Variants in DIP2C observed in about 807,000 individuals in gnomAD.
DIP2C encodes disco-interacting protein 2 homolog C.
DIP2C carries 33 observed loss-of-function variants against 192.4 expected under a neutral mutation model. The observed-to-expected ratio is 0.17, with a 90% CI of 0.13 to 0.23. DIP2C has a LOEUF of 0.23. DIP2C is among the 10% of genes least tolerant of loss of function. The pLI is 1.00. For synonymous variants in DIP2C, 979 were observed against 864.1 expected, an observed-to-expected ratio of 1.13 and a Z score of -2.33; for missense variants, 1,537 against 2,110.1, an observed-to-expected ratio of 0.73 and a Z score of 5.32.
chr10:673,975 G>A (rs564235735), intron 1 of DIP2C, among the ~76,000 whole-genome samples: 9 of 152,306 alleles, frequency 5.9e-5, no homozygotes, highest in South Asian at 4.1e-4. Flanking sequence ...CAACAGGGAC[G>A]GTGAGTCCCT....
intron 1 of DIP2C, among the ~76,000 whole-genome samples, chr10:536,944 C>T (rs1847728740): frequency 6.6e-6 from 1 of 152,134 alleles, no homozygotes; most frequent in Non-Finnish European, 1.5e-5. Context: ...TCATCCCTGC[C>T]GTGACACCAC....
chr10:567,843 T>TG (rs1297781770), intron 1 of DIP2C, among the ~76,000 whole-genome samples: 2 of 152,136 alleles, frequency 1.3e-5, no homozygotes, highest in African/African-American at 4.8e-5. Context: ...TTGGCCAAGC[T>TG]GGTCTCGAAC....
chr10:397,781 G>A (rs118129136), intron 10 of DIP2C, among the ~76,000 whole-genome samples: 2,510 of 152,306 alleles, frequency 0.016, 55 homozygotes, highest in South Asian at 0.025. Flanking sequence ...TGGTATGAGC[G>A]TAAGCCAAAA....
intron 2 of DIP2C, among the ~76,000 whole-genome samples, chr10:485,577 C>T (rs1432397447): frequency 6.6e-6 from 1 of 152,202 alleles, no homozygotes; most frequent in African/African-American, 2.4e-5. Flanking sequence ...TTTCCTGCAG[C>T]CTGAGCCTCA....
At chr10:573,462 GCAGGGGCGC>G (rs1849951355) in intron 1 of DIP2C, among the ~76,000 whole-genome samples, 1 of 152,194 alleles carries the variant, frequency 6.6e-6, no homozygotes, top group Non-Finnish European at 1.5e-5. Context: ...AGGCTTGACG[GCAGGGGCGC>G]CATCTCCACT....
At chr10:574,588 C>T (rs956425988) in intron 1 of DIP2C, among the ~76,000 whole-genome samples, 5 of 152,200 alleles carry the variant, frequency 3.3e-5, no homozygotes, top group Non-Finnish European at 7.3e-5. Context: ...TAACATCTTT[C>T]TTCTTCATGG....
At position 559,058 on chromosome 10, in the gene DIP2C, C is replaced by T. The variant is rs143029332; in HGVS notation, c.86-72528G>A. 6.6e-5 allele frequency among the ~76,000 whole-genome samples: 10 copies of T among 151,794 alleles called. No homozygotes were observed. In the East Asian group the frequency reaches 1.5e-3, roughly 24 times the overall value. On this transcript the variant is annotated intron_variant, in intron 1 of 36. Coordinates refer to ENST00000280886, the MANE Select transcript of DIP2C (RefSeq NM_014974.3). ...GGTTTTCAAGGTCTTGCAAGTTTAA[C>T]GGGAGTTGAATATTTGCATCTGAGT...
intron 30 of DIP2C, among the ~76,000 whole-genome samples, chr10:327,492 G>C (rs940347396): frequency 6.6e-6 from 1 of 152,202 alleles, no homozygotes; most frequent in Non-Finnish European, 1.5e-5. Flanking sequence ...AAGGCCGTTC[G>C]GGAAAAGAGA....
At chr10:317,255 G>C (rs1285826705) in intron 31 of DIP2C, among the ~76,000 whole-genome samples, 1 of 152,206 alleles carries the variant, frequency 6.6e-6, no homozygotes, top group Non-Finnish European at 1.5e-5. Flanking sequence ...CTCAGCTCAG[G>C]CCGTCTACCA....
intron 2 of DIP2C, among the ~76,000 whole-genome samples, chr10:481,072 C>G (rs1843568399): frequency 6.6e-6 from 1 of 152,070 alleles, no homozygotes; most frequent in African/African-American, 2.4e-5. Context: ...CCCAGCACGT[C>G]TAGGAAGCGC....
Position 403,691 on chromosome 10 carries a change from C to A in DIP2C, c.1150-4472G>T, listed in dbSNP as rs200235915. On this transcript the variant is annotated intron_variant, in intron 9 of 36. Transcript: ENST00000280886. Reference sequence around the variant, plus strand: ...AGCACATGAATCCTGTGATTTTACACGTGTGGTAGCATTAGCATTACTCTT... The same window carrying A: ...AGCACATGAATCCTGTGATTTTACAAGTGTGGTAGCATTAGCATTACTCTT... Among the ~76,000 whole-genome samples, 8 of 107,896 alleles carry A rather than the reference C, an allele frequency of 7.4e-5. No individual in the cohort carries two copies. In the South Asian group the frequency reaches 1.7e-3, roughly 23 times the overall value. 70.8% of individuals were successfully genotyped at this position (107,896 alleles called of 152,430 possible). A position where few individuals can be genotyped will look rare whatever the true frequency, so the allele number is the denominator to read the frequency against.
intron 3 of DIP2C, among the ~76,000 whole-genome samples, chr10:453,916 A>G (rs1969066295): frequency 6.6e-6 from 1 of 152,244 alleles, no homozygotes; most frequent in South Asian, 2.1e-4. Flanking sequence ...CAGCAGCAGC[A>G]GGACCTGCTA....
At chr10:619,467 G>A (rs1853697233) in intron 1 of DIP2C, among the ~76,000 whole-genome samples, 1 of 145,994 alleles carries the variant, frequency 6.8e-6, no homozygotes, top group African/African-American at 2.6e-5. Context: ...AGCCCTGGCG[G>A]CTCCTCAACA....
intron 17 of DIP2C, among the ~76,000 whole-genome samples, chr10:377,755 A>T (rs898851459): frequency 5.3e-5 from 8 of 151,684 alleles, no homozygotes; most frequent in Non-Finnish European, 1.2e-4. Flanking sequence ...GTCTTCTTTG[A>T]TTTTTCTCCC....
intron 1 of DIP2C, among the ~76,000 whole-genome samples, chr10:569,066 C>CT (rs1419334012): frequency 1.3e-5 from 2 of 152,196 alleles, no homozygotes; most frequent in Non-Finnish European, 2.9e-5. Flanking sequence ...GGGAGATCAG[C>CT]TTTCAGGTAA....
chr10:279,362 A>G (rs910451054), intron 36 of DIP2C, among the ~76,000 whole-genome samples: 1 of 152,176 alleles, frequency 6.6e-6, no homozygotes, highest in Non-Finnish European at 1.5e-5. Flanking sequence ...AGAGTATCCA[A>G]ATCTGCTTGG....
intron 1 of DIP2C, among the ~76,000 whole-genome samples, chr10:626,586 A>T (rs1369880130): frequency 6.6e-6 from 1 of 152,028 alleles, no homozygotes; most frequent in East Asian, 1.9e-4. Context: ...AGCATGTCAC[A>T]TGACTCTTCC....
At chr10:674,818 A>AGAGAGAGAGG (rs1564332860) in intron 1 of DIP2C, among the ~76,000 whole-genome samples, 2 of 146,848 alleles carry the variant, frequency 1.4e-5, no homozygotes, top group African/African-American at 5.1e-5. Context: ...AGAGAGAGAG[A>AGAGAGAGAGG]GAGAGAGAGA....
chr10:326,284 G>A (rs1472547169), intron 31 of DIP2C, among the ~76,000 whole-genome samples: 1 of 152,184 alleles, frequency 6.6e-6, no homozygotes, highest in Non-Finnish European at 1.5e-5. Flanking sequence ...CTGACCTAGT[G>A]GCTAACTCCA....
Sources: gnomAD v4.1 joint callset for allele counts (sites outside exome capture counted in the v4.1 genomes callset) on GRCh38, gnomAD v4.1.1 for gene constraint, MANE v1.5 for transcripts, NCBI Gene and HGNC (gene_info 2026-07-23, HGNC 2026-07-21) for gene names.